FAM184B: variants seen among roughly 807,000 people sequenced by gnomAD.
FAM184B encodes the protein protein FAM184B.
In FAM184B, 111 loss-of-function variants were observed where a neutral mutation model predicts 135.9. The ratio of observed to expected loss-of-function variants is 0.82; its 90% CI spans 0.70 to 0.96. The LOEUF is 0.96. Among genes scored for constraint, FAM184B ranks in the 40% least tolerant of loss-of-function variants. The probability of loss-of-function intolerance (pLI) is 0.00; values close to 1 mark genes in which losing one functional copy is unlikely to be tolerated. For synonymous variants in FAM184B, 552 were observed against 524.8 expected (o/e 1.05, Z -0.71); for missense variants, 1,375 against 1,323.9 (o/e 1.04, Z -0.60).
At chr4:17,729,234 A>C in intron 1 of FAM184B, among the ~76,000 whole-genome samples, 1 of 152,222 alleles carries the variant, frequency 6.6e-6, no homozygotes, top group South Asian at 2.1e-4. Context: ...TTGATTAGGT[A>C]AACAAAGCAG....
Position 17,693,338 on chromosome 4 carries a change from T to C in FAM184B, c.1452A>G (p.Ala484=), listed in dbSNP as rs774721891. 7.7e-6 allele frequency: 12 copies of C among 1,551,634 alleles called. No homozygotes were observed. Among genetic ancestry groups the C allele is most frequent in the Non-Finnish European group, 1.0e-5 (12 of 1,147,002 alleles). Residue 484 remains alanine (A), a synonymous_variant, in exon 6 of 18, where the codon GCA becomes GCG. Transcript: ENST00000265018. ...AATTCTGAAGCTTCACATTGAGGGC[T>C]GCTTTCTCTTCTTCCAGCTGCTTTA... The part of the protein sequence containing the change: ...KEIKQLEEEK[A]ALNVKLQNSL...
intron 1 of FAM184B, among the ~76,000 whole-genome samples, chr4:17,711,319 A>C (rs1203890794): frequency 1.3e-5 from 2 of 151,766 alleles, no homozygotes; most frequent in African/African-American, 4.8e-5. Context: ...CCTCTACTAA[A>C]ATTACAAAAA....
intron 14 of FAM184B, among the ~76,000 whole-genome samples, chr4:17,637,829 T>C (rs1432956258): frequency 1.3e-5 from 2 of 152,170 alleles, no homozygotes; most frequent in African/African-American, 4.8e-5. Flanking sequence ...TCCCCCTGTT[T>C]CTTCTCAGCA....
At chr4:17,728,470 T>A (rs1250424279) in intron 1 of FAM184B, among the ~76,000 whole-genome samples, 1 of 152,180 alleles carries the variant, frequency 6.6e-6, no homozygotes, top group Non-Finnish European at 1.5e-5. Flanking sequence ...ACATTTTGAC[T>A]GCTGTGAGTT....
chr4:17,695,189 C>G (rs751456327), intron 5 of FAM184B, among the ~76,000 whole-genome samples: 10 of 149,896 alleles, frequency 6.7e-5, no homozygotes, highest in African/African-American at 2.2e-4. Context: ...GACAGGGTCT[C>G]GCTCTGTCAC....
chr4:17,766,145 T>G (rs1313448739), intron 1 of FAM184B, among the ~76,000 whole-genome samples: 2 of 152,204 alleles, frequency 1.3e-5, no homozygotes, highest in Non-Finnish European at 2.9e-5. Context: ...CATTGCTGGG[T>G]CAGGCAGCCT....
chr4:17,734,163 C>T lies in FAM184B; in HGVS notation c.142-24519G>A, dbSNP rs192733051. On this transcript the variant is annotated intron_variant, in intron 1 of 17. Transcript: ENST00000265018. ...CTGAAACTGGATCCCTTCCTTACAC[C>T]TTATACAAAAATTAATTCAAGATGG... is the stretch of plus-strand genomic sequence containing the variant. Among the ~76,000 whole-genome samples the T allele has an allele frequency of 1.0e-2, 1,520 of 152,260 alleles. 23 individuals carry two copies. The highest frequency in any genetic ancestry group is 0.034 in the African/African-American group (1,414 of 41,540).
At chr4:17,687,679 C>T (rs1405251335) in intron 7 of FAM184B, among the ~76,000 whole-genome samples, 5 of 152,016 alleles carry the variant, frequency 3.3e-5, no homozygotes, top group Admixed American at 6.6e-5. Context: ...GGAAAGAGGC[C>T]GTGTGATGAC....
intron 1 of FAM184B, among the ~76,000 whole-genome samples, chr4:17,749,206 G>GC (rs1718241537): frequency 6.6e-6 from 1 of 151,834 alleles, no homozygotes; most frequent in Non-Finnish European, 1.5e-5. Flanking sequence ...CCTCTGAAGC[G>GC]CATCTATAAG....
chr4:17,650,672 G>A (rs1237586674), intron 11 of FAM184B, among the ~76,000 whole-genome samples: 2 of 152,158 alleles, frequency 1.3e-5, no homozygotes, highest in African/African-American at 4.8e-5. Context: ...ATCTTTACAT[G>A]CTGCTAACTT....
At chr4:17,662,136 A>T (rs890348186) in intron 8 of FAM184B, among the ~76,000 whole-genome samples, 3 of 152,078 alleles carry the variant, frequency 2.0e-5, no homozygotes, top group African/African-American at 7.2e-5. Context: ...GCTCCTCATC[A>T]TGACTTTTGG....
At chr4:17,747,974 C>A (rs1718210161) in intron 1 of FAM184B, among the ~76,000 whole-genome samples, 1 of 134,706 alleles carries the variant, frequency 7.4e-6, no homozygotes, top group African/African-American at 2.8e-5. Context: ...GGCATGGTGG[C>A]GCATGCCTGT....
Position 17,640,496 on chromosome 4 carries a change from G to A in FAM184B, c.2520-1100C>T, listed in dbSNP as rs1367609568. 1.6e-3 allele frequency among the ~76,000 whole-genome samples: 193 copies of A among 118,342 alleles called. 1 individual carries two copies. In the East Asian group the frequency reaches 0.03, roughly 19 times the overall value. The allele number at this position is 118,342 out of a possible 152,430, so 77.6% of individuals were successfully genotyped here. A position where few individuals can be genotyped will look rare whatever the true frequency, so the allele number is the denominator to read the frequency against. ...AAGACTGTCTCAAAAAAAAAAAAAAGAAAATAAATGAACAAGCACAGTCAA... is the reference window on the plus strand; with the variant it reads ...AAGACTGTCTCAAAAAAAAAAAAAAAAAAATAAATGAACAAGCACAGTCAA... On this transcript the variant is annotated intron_variant, in intron 13 of 17. Transcript: ENST00000265018.
chr4:17,707,037 C>G (rs1024031333), intron 3 of FAM184B, among the ~76,000 whole-genome samples: 1 of 152,144 alleles, frequency 6.6e-6, no homozygotes, highest in East Asian at 1.9e-4. Context: ...ATCCACCTGC[C>G]TTGGCCTCCC....
intron 1 of FAM184B, among the ~76,000 whole-genome samples, chr4:17,760,737 T>G (rs367901272): frequency 6.6e-6 from 1 of 152,134 alleles, no homozygotes; most frequent in South Asian, 2.1e-4. Flanking sequence ...GGGAGTCTGA[T>G]CCCTAAATCC....
In FAM184B at chr4:17,630,825, C is replaced by CTT. The variant is rs1560161059; in HGVS notation, c.*1705_*1706dup. ...GTGATTGAGGTTAATGTGAACTGAA[C>CTT]TTTCTATTTCTAAGCTGTCTTCATC... On this transcript the variant is annotated 3_prime_UTR_variant, in exon 18 of 18. Transcript: ENST00000265018. The CTT allele has an allele frequency of 1.3e-5, 2 of 151,262 alleles. No homozygotes were observed. Among genetic ancestry groups the CTT allele is most frequent in the African/African-American group, 4.9e-5 (2 of 41,104 alleles). The allele number at this position is 151,262 out of a possible 1,614,324, so 9.4% of individuals were successfully genotyped here.
intron 7 of FAM184B, 43 bp from the exon 8 acceptor site, chr4:17,664,702 T>C (rs1235654547): frequency 7.3e-7 from 1 of 1,375,966 alleles, no homozygotes. Flanking sequence ...AAAGGCAAGA[T>C]GAGCTTAAGT....
At chr4:17,774,955 C>A (rs1265351433) in intron 1 of FAM184B, among the ~76,000 whole-genome samples, 1 of 148,174 alleles carries the variant, frequency 6.7e-6, no homozygotes, top group Non-Finnish European at 1.5e-5. Flanking sequence ...AGATCAGCTT[C>A]GATGTGCATT....
intron 1 of FAM184B, among the ~76,000 whole-genome samples, chr4:17,733,933 C>G (rs1422346628): frequency 6.6e-6 from 1 of 152,128 alleles, no homozygotes; most frequent in African/African-American, 2.4e-5. Flanking sequence ...CCAAACTATA[C>G]TACAAGGCTA....
Sources: allele counts gnomAD v4.1 joint callset (sites outside exome capture counted in the v4.1 genomes callset), GRCh38; gene constraint gnomAD v4.1.1; transcripts MANE v1.5; gene names NCBI Gene and HGNC (gene_info 2026-07-23, HGNC 2026-07-21).